The following DOCK2 variants were observed in gnomAD, a reference collection of about 807,000 sequenced individuals.
DOCK2 encodes dedicator of cytokinesis 2, also known as dedicator of cytokinesis protein 2.
In DOCK2, 87 loss-of-function variants were observed where a neutral mutation model predicts 248.9. That is an observed-to-expected ratio of 0.35 (90% confidence interval 0.29 to 0.42). The LOEUF is 0.42. Among genes scored for constraint, DOCK2 ranks in the 10% least tolerant of loss-of-function variants. DOCK2 has a pLI of 1.00. For synonymous variants in DOCK2, 805 were observed against 821.6 expected (o/e 0.98, Z 0.35); for missense variants, 1,747 against 2,300.2 (o/e 0.76, Z 4.92).
chr5:169,973,044 CATG>C (rs1777583498), intron 27 of DOCK2, among the ~76,000 whole-genome samples: 1 of 152,180 alleles, frequency 6.6e-6, no homozygotes, highest in Non-Finnish European at 1.5e-5. Flanking sequence ...AAGTTTAATA[CATG>C]ATGTGAGAGA....
At chr5:169,848,335 T>C (rs1183148446) in intron 27 of DOCK2, among the ~76,000 whole-genome samples, 1 of 152,238 alleles carries the variant, frequency 6.6e-6, no homozygotes, top group Non-Finnish European at 1.5e-5. Flanking sequence ...ATAAGCAGGA[T>C]GTGAACCAGG....
At chr5:169,646,621 A>C (rs1354113055) in intron 1 of DOCK2, among the ~76,000 whole-genome samples, 1 of 152,222 alleles carries the variant, frequency 6.6e-6, no homozygotes, top group Non-Finnish European at 1.5e-5. Context: ...GGTAGGTCAG[A>C]GAAACTAATC....
chr5:169,753,383 C>A (rs2625382), intron 23 of DOCK2, among the ~76,000 whole-genome samples: 2 of 148,964 alleles, frequency 1.3e-5, no homozygotes, highest in Admixed American at 6.8e-5. Context: ...GACAGCTCCC[C>A]TGTGTGTTGT....
At chr5:170,031,210 T>A (rs2113834424) in intron 34 of DOCK2, among the ~76,000 whole-genome samples, 1 of 152,344 alleles carries the variant, frequency 6.6e-6, no homozygotes, top group East Asian at 1.9e-4. Context: ...AGCAGATAGA[T>A]GTATGTTCTT....
chr5:169,885,025 TTC>T (rs1772892654), intron 27 of DOCK2, among the ~76,000 whole-genome samples: 1 of 152,128 alleles, frequency 6.6e-6, no homozygotes. Flanking sequence ...CTGGACCCTT[TTC>T]TCTCTCCATT....
intron 44 of DOCK2, among the ~76,000 whole-genome samples, chr5:170,065,530 C>T (rs1757460445): frequency 6.6e-6 from 1 of 152,130 alleles, no homozygotes; most frequent in Admixed American, 6.5e-5. Flanking sequence ...CTGATAGAGA[C>T]ATACCTGAGA....
intron 43 of DOCK2, chr5:170,057,366 C>T (rs900427295): frequency 6.6e-6 from 4 of 609,992 alleles, no homozygotes; most frequent in African/African-American, 1.8e-5. Flanking sequence ...ACTTACTTGG[C>T]CTAAGTCCAG....
At chr5:169,883,291 T>C (rs1772775265) in intron 27 of DOCK2, 2 of 1,551,632 alleles carry the variant, frequency 1.3e-6, no homozygotes, top group Non-Finnish European at 1.7e-6. Flanking sequence ...ATCTGGAACC[T>C]GAATGGCAGC....
intron 10 of DOCK2, 117 bp downstream of exon 10, chr5:169,696,055 A>G (rs1561608717): frequency 1.5e-6 from 2 of 1,354,202 alleles, no homozygotes; most frequent in Non-Finnish European, 1.9e-6. Flanking sequence ...TGCAAAATTT[A>G]TGCCAGACAG....
chr5:169,675,917 C>G (rs571581199), intron 6 of DOCK2, among the ~76,000 whole-genome samples: 2 of 152,176 alleles, frequency 1.3e-5, no homozygotes, highest in African/African-American at 4.8e-5. Flanking sequence ...ATCTGGCAAG[C>G]GTGTCCAAAT....
chr5:170,062,128 T>TGTGTGTGTGAGA (rs778077276), intron 44 of DOCK2, among the ~76,000 whole-genome samples: 214 of 137,896 alleles, frequency 1.6e-3, no homozygotes, highest in African/African-American at 5.5e-3. Context: ...TGTGTGTGTG[T>TGTGTGTGTGAGA]GAGAGAGAGA....
At chr5:169,773,099 G>A (rs1765185547) in intron 25 of DOCK2, 2 of 152,126 alleles carry the variant, frequency 1.3e-5, no homozygotes, top group African/African-American at 4.8e-5. Context: ...TCCACACTCT[G>A]GAGATCTGAG....
chr5:169,946,466 A>G (rs1340547916), intron 27 of DOCK2, among the ~76,000 whole-genome samples: 3 of 152,208 alleles, frequency 2.0e-5, no homozygotes, highest in Non-Finnish European at 4.4e-5. Context: ...TGTTTTGGAA[A>G]TTGATCTTTA....
intron 27 of DOCK2, among the ~76,000 whole-genome samples, chr5:169,890,318 G>A (rs544452762): frequency 6.6e-6 from 1 of 152,284 alleles, no homozygotes; most frequent in South Asian, 2.1e-4. Flanking sequence ...GAGTCTTTAA[G>A]GAGCCATTTA....
chr5:169,688,930 T>C (rs1760136309), intron 8 of DOCK2, among the ~76,000 whole-genome samples: 1 of 152,242 alleles, frequency 6.6e-6, no homozygotes, highest in East Asian at 1.9e-4. Flanking sequence ...CTCTCATCTC[T>C]GCCATTCTCA....
intron 27 of DOCK2, chr5:169,883,662 G>A: frequency 1.3e-6 from 2 of 1,551,108 alleles, no homozygotes; most frequent in Non-Finnish European, 1.7e-6. Context: ...AGGAGAGCGA[G>A]TAGGTGGGGG....
chr5:169,809,198 C>G (rs999735356), intron 26 of DOCK2, among the ~76,000 whole-genome samples: 2 of 152,132 alleles, frequency 1.3e-5, no homozygotes, highest in African/African-American at 2.4e-5. Context: ...ACCATGTTGG[C>G]CAGGCTGGTC....
At chr5:170,032,639 G>T (rs901913196) in intron 34 of DOCK2, among the ~76,000 whole-genome samples, 1 of 152,192 alleles carries the variant, frequency 6.6e-6, no homozygotes, top group Non-Finnish European at 1.5e-5. Flanking sequence ...CCCAGGAGGA[G>T]GCATGCACAG....
intron 5 of DOCK2, 30 bp from the exon 6 acceptor site, chr5:169,674,267 G>A: frequency 1.2e-6 from 2 of 1,612,426 alleles, no homozygotes; most frequent in Non-Finnish European, 1.7e-6. Flanking sequence ...CTTTAACACA[G>A]GTAATTATGG....
Sources: gnomAD v4.1 joint callset for allele counts (sites outside exome capture counted in the v4.1 genomes callset) on GRCh38, gnomAD v4.1.1 for gene constraint, MANE v1.5 for transcripts, NCBI Gene and HGNC (gene_info 2026-07-23, HGNC 2026-07-21) for gene names.